The following NBEA variants were observed in gnomAD, a reference collection of about 807,000 sequenced individuals.
NBEA encodes lysosomal-trafficking regulator 2.
Under a neutral mutation model 343.4 loss-of-function variants are expected in NBEA, and 44 were observed. The observed-to-expected ratio is 0.13, with a 90% CI of 0.10 to 0.16. The LOEUF (loss-of-function observed/expected upper bound fraction) is 0.16, where lower values mean the gene tolerates loss of function less well. Among genes scored for constraint, NBEA ranks in the 10% least tolerant of loss-of-function variants. The pLI, the probability that NBEA is intolerant of heterozygous loss-of-function variation, is 1.00. For synonymous variants in NBEA, 1,175 were observed against 1,238.7 expected, an observed-to-expected ratio of 0.95 and a Z score of 1.08; for missense variants, 2,555 against 3,631.3, an observed-to-expected ratio of 0.70 and a Z score of 7.62.
chr13:35,188,538 T>A (rs1038357536), intron 30 of NBEA, among the ~76,000 whole-genome samples: 1 of 152,174 alleles, frequency 6.6e-6, no homozygotes, highest in Non-Finnish European at 1.5e-5. Flanking sequence ...ATTCTCCAGA[T>A]TCATCCATGT....
intron 1 of NBEA, among the ~76,000 whole-genome samples, chr13:35,011,674 A>AACT (rs2061497788): frequency 6.6e-6 from 1 of 152,192 alleles, no homozygotes; most frequent in Non-Finnish European, 1.5e-5. Flanking sequence ...TTCACATTTG[A>AACT]ACTACATAAT....
intron 41 of NBEA, among the ~76,000 whole-genome samples, chr13:35,494,294 G>T (rs2076598942): frequency 6.6e-6 from 1 of 151,880 alleles, no homozygotes; most frequent in Admixed American, 6.6e-5. Flanking sequence ...AATTTTGCTT[G>T]GCACCTTCTG....
intron 1 of NBEA, among the ~76,000 whole-genome samples, chr13:35,004,086 T>C (rs2061235488): frequency 6.6e-6 from 1 of 152,208 alleles, no homozygotes; most frequent in Admixed American, 6.5e-5. Flanking sequence ...GTTTCATCCA[T>C]GTCCCTGCAA....
At chr13:35,188,912 T>G (rs937598755) in intron 30 of NBEA, among the ~76,000 whole-genome samples, 10 of 142,164 alleles carry the variant, frequency 7.0e-5, no homozygotes, top group African/African-American at 2.5e-4. Flanking sequence ...TTTTGTTTTT[T>G]TTTTTTTTTT....
intron 40 of NBEA, among the ~76,000 whole-genome samples, chr13:35,463,018 A>G (rs1332360359): frequency 6.6e-6 from 1 of 152,224 alleles, no homozygotes; most frequent in Non-Finnish European, 1.5e-5. Context: ...CAAGTTGGGC[A>G]TGGAGTTCAT....
intron 58 of NBEA, among the ~76,000 whole-genome samples, chr13:35,668,761 T>G (rs2085471579): frequency 6.6e-6 from 1 of 152,196 alleles, no homozygotes; most frequent in Non-Finnish European, 1.5e-5. Flanking sequence ...AGACATGTTT[T>G]AAGGGCCCAA....
At chr13:35,362,072 A>G (rs754538117) in intron 38 of NBEA, among the ~76,000 whole-genome samples, 15 of 152,078 alleles carry the variant, frequency 9.9e-5, no homozygotes, top group Admixed American at 5.3e-4. Context: ...ACTTTAAAAA[A>G]ATACATGGCC....
intron 38 of NBEA, among the ~76,000 whole-genome samples, chr13:35,360,033 G>A (rs948247524): frequency 1.3e-5 from 2 of 151,858 alleles, no homozygotes; most frequent in South Asian, 4.2e-4. Flanking sequence ...CTATTTTACG[G>A]GTAAAAAATG....
chr13:35,403,714 A>G (rs1456388254), intron 38 of NBEA, among the ~76,000 whole-genome samples: 2 of 151,702 alleles, frequency 1.3e-5, no homozygotes, highest in African/African-American at 4.8e-5. Flanking sequence ...TCATGTCTAA[A>G]ACACCAAAAG....
chr13:35,573,783 A>G (rs78353851), intron 45 of NBEA, among the ~76,000 whole-genome samples: 4,771 of 152,286 alleles, frequency 0.031, 96 homozygotes, highest in East Asian at 0.069. Context: ...AATCCTACCT[A>G]TGGAAAGGAA....
At chr13:35,045,076 C>T (rs2062798170) in intron 3 of NBEA, 29 bp downstream of exon 3, 4 of 1,546,538 alleles carry the variant, frequency 2.6e-6, no homozygotes, top group African/African-American at 1.4e-5. Context: ...GAAAGGTATT[C>T]AGTATCAGTC....
chr13:35,225,273 G>A (rs1460142088), intron 33 of NBEA, among the ~76,000 whole-genome samples: 2 of 152,016 alleles, frequency 1.3e-5, no homozygotes, highest in Non-Finnish European at 2.9e-5. Context: ...CATGATTGGG[G>A]ATCTGTAAAT....
rs901188002 is a variant in NBEA, at chr13:35,003,370, A to G, written c.295-37563A>G. On this transcript the variant is annotated intron_variant, in intron 1 of 58. Transcript: ENST00000379939. ...GCAACAGAATGAGACCTCATCTTAA[A>G]AAAAGAAAGAAAGGGTATGCAGTAT... Among the ~76,000 whole-genome samples the G allele has an allele frequency of 2.6e-5, 4 of 151,918 alleles. No homozygotes were observed. In the East Asian group the frequency reaches 7.7e-4, roughly 29 times the overall value.
Position 34,975,209 on chromosome 13 carries a change from A to G in NBEA, c.294+32095A>G, listed in dbSNP as rs116848127. Among the ~76,000 whole-genome samples, 1,325 of 152,294 alleles carry G rather than the reference A, an allele frequency of 8.7e-3. 20 individuals are homozygous for G. Among genetic ancestry groups the G allele is most frequent in the Non-Finnish European group, 0.012 (833 of 68,024 alleles). On this transcript the variant is annotated intron_variant, in intron 1 of 58. Transcript: ENST00000379939. The stretch of plus-strand genomic sequence containing the variant: ...TGGAAGCATCACATTATCCAACTTC[A>G]AACTATATTATAAGGCCTTAGTCAC...
At chr13:35,163,512 A>G (rs1301210840) in intron 23 of NBEA, among the ~76,000 whole-genome samples, 1 of 151,732 alleles carries the variant, frequency 6.6e-6, no homozygotes, top group Non-Finnish European at 1.5e-5. Flanking sequence ...GTCCACCTGT[A>G]GTCCCAGCTA....
chr13:35,044,632 G>GTA (rs2062778049), intron 2 of NBEA, among the ~76,000 whole-genome samples: 1 of 151,572 alleles, frequency 6.6e-6, no homozygotes, highest in Admixed American at 6.6e-5. Context: ...GTGTGTGTGT[G>GTA]TGTGTGTGTG....
intron 41 of NBEA, chr13:35,476,805 C>CCCCACTCA (rs2075892676): frequency 9.7e-7 from 1 of 1,029,238 alleles, no homozygotes; most frequent in African/African-American, 1.7e-5. Context: ...GCTAATTAAT[C>CCCCACTCA]CCCACTCATG....
chr13:35,056,030 C>T lies in NBEA; in HGVS notation c.993C>T (p.Val331=). 1 of 1,601,684 alleles carries T rather than the reference C, an allele frequency of 6.2e-7. No homozygotes were observed. The highest frequency in any genetic ancestry group is 1.3e-5 in the African/African-American group (1 of 74,688). ...QPRKWYMISI[V]HIYNRWRNSE... is the part of the protein sequence containing the mutation. Reference sequence around the variant, plus strand: ...TTAAGTGGTACATGATCAGCATTGTCCACATTTACAATCGATGGAGGAACA... The same window carrying T: ...TTAAGTGGTACATGATCAGCATTGTTCACATTTACAATCGATGGAGGAACA... The change falls in exon 7 of 59, where the codon GTC becomes GTT. Residue 331 remains valine, a synonymous_variant. Transcript: ENST00000379939.
intron 34 of NBEA, among the ~76,000 whole-genome samples, chr13:35,281,311 T>G (rs1010636992): frequency 2.0e-5 from 3 of 152,150 alleles, no homozygotes; most frequent in Non-Finnish European, 4.4e-5. Flanking sequence ...TCATCTCTAA[T>G]TTTTTTCTTA....
Sources: gnomAD v4.1 joint callset for allele counts (sites outside exome capture counted in the v4.1 genomes callset) on GRCh38, gnomAD v4.1.1 for gene constraint, MANE v1.5 for transcripts, NCBI Gene and HGNC (gene_info 2026-07-23, HGNC 2026-07-21) for gene names.